The following THOC1 variants were observed in gnomAD, a reference collection of about 807,000 sequenced individuals.
The protein encoded by THOC1 is THO complex 1.
A neutral mutation model predicts 97.3 loss-of-function variants in THOC1; 29 were observed. The ratio of observed to expected loss-of-function variants is 0.30; its 90% CI spans 0.22 to 0.41. The LOEUF is 0.41. THOC1 is among the 10% of genes least tolerant of loss of function. THOC1 has a pLI of 1.00. For synonymous variants in THOC1, 255 were observed against 257.0 expected (o/e 0.99, Z 0.07); for missense variants, 529 against 761.9 (o/e 0.69, Z 3.60).
intron 7 of THOC1, among the ~76,000 whole-genome samples, chr18:258,854 T>C (rs1434334478): frequency 1.3e-5 from 2 of 152,114 alleles, no homozygotes; most frequent in Non-Finnish European, 2.9e-5. Flanking sequence ...AGCTAAATAG[T>C]TGTGACTGAG....
intron 7 of THOC1, among the ~76,000 whole-genome samples, chr18:258,537 C>T (rs1311030127): frequency 6.6e-6 from 1 of 152,116 alleles, no homozygotes; most frequent in Non-Finnish European, 1.5e-5. Flanking sequence ...TTTCTACATG[C>T]AGGCACTAAT....
Position 267,983 on chromosome 18 carries a change from C to T in THOC1, c.37G>A (p.Ala13Thr). 1 of 1,611,784 alleles carries T rather than the reference C, an allele frequency of 6.2e-7. No individual in the cohort carries two copies. Among genetic ancestry groups the T allele is most frequent in the Non-Finnish European group, 8.5e-7 (1 of 1,179,158 alleles). ...PTPPLFSLPE[A>T]RTRFTKSTRE... ...CAGCTCACCGTAAACCGCGTCCGCG[C>T]TTCGGGCAAACTGAAGAGCGGCGGC... is the stretch of plus-strand genomic sequence containing the variant. Residue 13 changes from alanine to threonine, a missense_variant, in exon 1 of 21, where the codon GCG (alanine) becomes ACG (threonine). Physicochemically the swap from Ala to Thr is moderately conservative, Grantham distance 58. Around this residue, in one of 8 missense-constraint regions of THOC1, gnomAD observed 114 missense variants for 97.4 expected, o/e 1.17. Coordinates refer to ENST00000261600, the MANE Select transcript of THOC1 (RefSeq NM_005131.3).
intron 9 of THOC1, 21 bp downstream of exon 9, chr18:252,518 G>C: frequency 6.3e-7 from 1 of 1,587,390 alleles, no homozygotes; most frequent in Non-Finnish European, 8.6e-7. Flanking sequence ...AAATCAAAAA[G>C]CTTAGGCTCT....
chr18:235,153 C>T (rs1294842497), intron 11 of THOC1, among the ~76,000 whole-genome samples: 4 of 149,526 alleles, frequency 2.7e-5, no homozygotes, highest in African/African-American at 9.9e-5. Flanking sequence ...TTTTATTAGG[C>T]TTCAAAATTT....
chr18:234,597 G>A (rs970861856), intron 11 of THOC1, among the ~76,000 whole-genome samples: 1 of 151,912 alleles, frequency 6.6e-6, no homozygotes, highest in Non-Finnish European at 1.5e-5. Context: ...GCCCAGGCTG[G>A]TCTTGAACTC....
chr18:262,050 T>G (rs951061649), intron 4 of THOC1, among the ~76,000 whole-genome samples: 1 of 152,198 alleles, frequency 6.6e-6, no homozygotes, highest in African/African-American at 2.4e-5. Flanking sequence ...TGTTCATCCT[T>G]CCATGGTTTT....
At chr18:221,669 TGC>T (rs1911086565) in intron 17 of THOC1, among the ~76,000 whole-genome samples, 1 of 141,704 alleles carries the variant, frequency 7.1e-6, no homozygotes, top group Non-Finnish European at 1.5e-5. Flanking sequence ...AGTGCAGTGG[TGC>T]GATCTCGACT....
chr18:262,581 T>A (rs1322102837), intron 4 of THOC1, among the ~76,000 whole-genome samples: 2 of 152,190 alleles, frequency 1.3e-5, no homozygotes, highest in African/African-American at 4.8e-5. Flanking sequence ...TGTATAAAGG[T>A]AATCAATGAA....
At position 224,963 on chromosome 18, in the gene THOC1, G is replaced by A. The variant is rs376053242; in HGVS notation, c.1169C>T (p.Ser390Leu). 2.5e-5 allele frequency: 39 copies of A among 1,574,900 alleles called. 1 individual carries two copies. In the African/African-American group the frequency reaches 3.6e-4, roughly 15 times the overall value. Residue 390 changes from serine (S) to leucine (L), a missense_variant, in exon 15 of 21, where the codon TCG (serine) becomes TTG (leucine). Ser to Leu is a moderately radical substitution (Grantham distance 145). Coordinates refer to ENST00000261600, the MANE Select transcript of THOC1 (RefSeq NM_005131.3). The part of the protein sequence containing the change: ...HILNTEENWN[S>L]WKNEGCPSFV... ...ACTTGGGCAACCTTCATTTTTCCACGAGTTCCAGTTTTCTTCAGTGTTTAA... is the reference window on the plus strand; with the variant it reads ...ACTTGGGCAACCTTCATTTTTCCACAAGTTCCAGTTTTCTTCAGTGTTTAA...
At chr18:225,057 A>C in intron 14 of THOC1, 32 bp downstream of exon 14, 1 of 1,567,170 alleles carries the variant, frequency 6.4e-7, no homozygotes, top group Non-Finnish European at 8.7e-7. Flanking sequence ...ATTTCGTGCT[A>C]AGAAGAGGAT....
At chr18:225,310 C>A in intron 13 of THOC1, 27 bp downstream of exon 13, 1 of 1,609,232 alleles carries the variant, frequency 6.2e-7, no homozygotes, top group Non-Finnish European at 8.5e-7. Flanking sequence ...TTTTTTCAAT[C>A]ATGGGTTTGT....
chr18:258,887 G>A (rs1392445979), intron 7 of THOC1, among the ~76,000 whole-genome samples: 1 of 152,036 alleles, frequency 6.6e-6, no homozygotes, highest in Non-Finnish European at 1.5e-5. Context: ...CACAAAAATA[G>A]GCATACATTA....
chr18:233,548 T>G (rs2143201516), intron 11 of THOC1, among the ~76,000 whole-genome samples: 1 of 152,340 alleles, frequency 6.6e-6, no homozygotes. Flanking sequence ...ATCGCGCCAC[T>G]GCACTCGCCT....
chr18:216,386 G>GT (rs1455882104), intron 19 of THOC1, 100 bp downstream of exon 19: 2 of 1,326,474 alleles, frequency 1.5e-6, no homozygotes, highest in Non-Finnish European at 1.0e-6. Context: ...TGGATCACTG[G>GT]TTTTTCACAT....
intron 11 of THOC1, among the ~76,000 whole-genome samples, chr18:233,837 AC>A (rs931038864): frequency 2.0e-5 from 3 of 152,174 alleles, no homozygotes; most frequent in African/African-American, 7.2e-5. Context: ...AAATAGTAAG[AC>A]TAACTTTTTG....
intron 9 of THOC1, 48 bp from the exon 10 acceptor site, chr18:248,005 A>G (rs1401548082): frequency 8.5e-7 from 1 of 1,178,250 alleles, no homozygotes; most frequent in Admixed American, 2.5e-5. Flanking sequence ...ATTCTTTTAC[A>G]AATATCTAAA....
chr18:241,322 TA>T (rs1567850394), intron 11 of THOC1, among the ~76,000 whole-genome samples: 2 of 152,182 alleles, frequency 1.3e-5, no homozygotes, highest in African/African-American at 2.4e-5. Flanking sequence ...CAAATGGACA[TA>T]AAAAGTACAA....
chr18:260,322 G>A lies in THOC1; in HGVS notation c.257-18C>T. On this transcript the variant is annotated intron_variant, in intron 4 of 20. Transcript: ENST00000261600. Reference sequence around the variant, plus strand: ...ACAAATACCTTCAAGTGGAGCACAAGCCAATTTAAAAGTTTAAAAAACTGT... The same window carrying A: ...ACAAATACCTTCAAGTGGAGCACAAACCAATTTAAAAGTTTAAAAAACTGT... 2 of 1,458,944 alleles carry A rather than the reference G, an allele frequency of 1.4e-6. No homozygotes were observed. The highest frequency in any genetic ancestry group is 1.8e-4 in the Middle Eastern group (1 of 5,608). The allele number at this position is 1,458,944 out of a possible 1,614,324, so 90.4% of individuals were successfully genotyped here.
Position 214,655 on chromosome 18 carries a change from G to C in THOC1, c.1945C>G (p.Leu649Val). The stretch of plus-strand genomic sequence containing the variant: ...CTATTTGTCTCATTGTCATTAGTTA[G>C]ACTTTCTGCAAGGTCACTTAATCCA... ...KSGLSDLAESLTNDNETNS is the reference protein window; with the variant it reads ...KSGLSDLAESVTNDNETNS Residue 649 changes from leucine to valine, a missense_variant, in exon 21 of 21, where the codon CTA (leucine) becomes GTA (valine). Coordinates refer to ENST00000261600, the MANE Select transcript of THOC1 (RefSeq NM_005131.3). The C allele has an allele frequency of 6.2e-7, 1 of 1,613,224 alleles. No homozygotes were observed. Among genetic ancestry groups the C allele is most frequent in the Non-Finnish European group, 8.5e-7 (1 of 1,179,488 alleles).
Sources: gnomAD v4.1 joint callset for allele counts (sites outside exome capture counted in the v4.1 genomes callset) on GRCh38, gnomAD v4.1.1 for gene constraint, gnomAD v4.1.1 regional missense constraint, MANE v1.5 for transcripts, NCBI Gene and HGNC (gene_info 2026-07-23, HGNC 2026-07-21) for gene names.